The following NUP205 variants were observed in gnomAD, a reference collection of about 807,000 sequenced individuals.
NUP205 encodes the protein nuclear pore complex protein Nup205.
NUP205 carries 76 observed loss-of-function variants against 253.8 expected under a neutral mutation model. The observed-to-expected ratio is 0.30, with a 90% confidence interval of 0.25 to 0.36. The LOEUF (loss-of-function observed/expected upper bound fraction) is 0.36. Ranked by LOEUF, NUP205 falls within the 10% of genes least tolerant of loss-of-function variation. The pLI, the probability that NUP205 is intolerant of heterozygous loss-of-function variation, is 1.00. For synonymous variants in NUP205, 832 were observed against 850.1 expected (o/e 0.98, Z 0.37); for missense variants, 2,162 against 2,425.5 (o/e 0.89, Z 2.28).
At chr7:135,618,698 G>T in intron 28 of NUP205, 95 bp downstream of exon 28, 2 of 1,097,836 alleles carry the variant, frequency 1.8e-6, no homozygotes, top group Non-Finnish European at 2.6e-6. Context: ...TTTTCGATTG[G>T]GAGTAAAATA....
chr7:135,570,870 AAT>A (rs1491378026), intron 1 of NUP205, among the ~76,000 whole-genome samples: 1 of 97,490 alleles, frequency 1.0e-5, no homozygotes, highest in Admixed American at 1.4e-4. Flanking sequence ...ATAAATATAA[AAT>A]ATATGTAATA....
Position 135,619,794 on chromosome 7 carries a change from T to A in NUP205, c.4236T>A (p.Gly1412=). The A allele has an allele frequency of 6.2e-7, 1 of 1,610,778 alleles. No homozygotes were observed. Among genetic ancestry groups the A allele is most frequent in the Non-Finnish European group, 8.5e-7 (1 of 1,178,474 alleles). Residue 1412 remains glycine (G), a synonymous_variant, in exon 30 of 43, where the codon GGT becomes GGA. Transcript: ENST00000285968. The stretch of plus-strand genomic sequence containing the variant: ...ACATCTTCCTAATCTCCCTAGGTGG[T>A]GGATTCCAACGAGTGAGGACTCACT... ...KLLDFILKTG[G]GFQRVRTHLY...
At position 135,558,343 on chromosome 7, in the gene NUP205, A is replaced by C. The variant is rs142972400; in HGVS notation, c.28+371A>C. 2.3e-4 allele frequency: 63 copies of C among 276,044 alleles called. No individual in the cohort carries two copies. The East Asian group carries it at 4.3e-3, about 19-fold the overall frequency. 17.1% of individuals were successfully genotyped at this position (276,044 alleles called of 1,614,324 possible). On this transcript the variant is annotated intron_variant, in intron 1 of 42. Coordinates refer to ENST00000285968, the MANE Select transcript of NUP205 (RefSeq NM_015135.3). ...CCACAGTGAAGCCAGAGGACCCGAG[A>C]TATTTTCCAGCCATGAGCAGAGGCT...
intron 35 of NUP205, among the ~76,000 whole-genome samples, chr7:135,634,373 A>G (rs1189883369): frequency 6.6e-6 from 1 of 152,240 alleles, no homozygotes; most frequent in African/African-American, 2.4e-5. Context: ...TGCAGGGGAA[A>G]GTGAACTTTG....
At chr7:135,569,967 T>A (rs949931992) in intron 1 of NUP205, among the ~76,000 whole-genome samples, 1 of 150,786 alleles carries the variant, frequency 6.6e-6, no homozygotes, top group African/African-American at 2.4e-5. Flanking sequence ...GGACTGTGTG[T>A]TTTCCTTAGT....
chr7:135,616,856 T>A (rs1329093661), intron 25 of NUP205, 130 bp downstream of exon 25: 7 of 652,290 alleles, frequency 1.1e-5, no homozygotes, highest in Non-Finnish European at 1.4e-5. Flanking sequence ...AAAGGATTAA[T>A]TGCCACCTGA....
rs899222208 is a variant in NUP205 at position 135,632,515 on chromosome 7, C to T, written c.5059+2045C>T. On this transcript the variant is annotated intron_variant, in intron 35 of 42. Coordinates refer to ENST00000285968, the MANE Select transcript of NUP205 (RefSeq NM_015135.3). Reference sequence around the variant, plus strand: ...CAACCTCTGAATCCACCCTATAATCCCCAATAATTTTTTTTGTCTGGGCTG... The same window carrying T: ...CAACCTCTGAATCCACCCTATAATCTCCAATAATTTTTTTTGTCTGGGCTG... Among the ~76,000 whole-genome samples the T allele has an allele frequency of 2.4e-4, 36 of 151,796 alleles. 1 individual carries two copies. The highest frequency in any genetic ancestry group is 2.0e-3 in the Admixed American group (30 of 15,224).
chr7:135,574,407 T>C (rs927680849), intron 3 of NUP205, among the ~76,000 whole-genome samples: 1 of 152,108 alleles, frequency 6.6e-6, no homozygotes, highest in South Asian at 2.1e-4. Flanking sequence ...AGTGCAACTC[T>C]AAGTAGGATC....
chr7:135,600,633 G>A (rs1014475440), intron 15 of NUP205, among the ~76,000 whole-genome samples: 3 of 152,108 alleles, frequency 2.0e-5, no homozygotes, highest in South Asian at 2.1e-4. Context: ...CTATAAAAAT[G>A]TATCTTTAAG....
intron 31 of NUP205, among the ~76,000 whole-genome samples, chr7:135,623,400 T>C (rs1444770936): frequency 1.3e-5 from 2 of 152,266 alleles, no homozygotes; most frequent in Non-Finnish European, 2.9e-5. Context: ...TTCTGTTTTA[T>C]TTATTCATAT....
At chr7:135,611,768 G>C (rs1213445820) in intron 22 of NUP205, among the ~76,000 whole-genome samples, 1 of 152,046 alleles carries the variant, frequency 6.6e-6, no homozygotes, top group Non-Finnish European at 1.5e-5. Context: ...GAACCTGGGA[G>C]GTGGCAGTTG....
chr7:135,635,863 G>A (rs1405697880), intron 36 of NUP205, among the ~76,000 whole-genome samples: 1 of 152,080 alleles, frequency 6.6e-6, no homozygotes, highest in African/African-American at 2.4e-5. Flanking sequence ...GGGATGGGGA[G>A]GAGATGAGAA....
At chr7:135,614,400 T>A (rs1358898297) in intron 23 of NUP205, 127 bp downstream of exon 23, 3 of 588,456 alleles carry the variant, frequency 5.1e-6, no homozygotes, top group Middle Eastern at 3.2e-4. Flanking sequence ...TTATTTTGGG[T>A]TCTTTTTGTA....
In NUP205 at chr7:135,578,035, T is replaced by C. The variant is rs1210737870; in HGVS notation, c.877+11T>C. On this transcript the variant is annotated intron_variant, in intron 6 of 42. Transcript: ENST00000285968. Reference sequence around the variant, plus strand: ...CAGAGGAACGAGATGGTATTGAGTTTTATACATTTTCCTACATTAAAAAAA... The same window carrying C: ...CAGAGGAACGAGATGGTATTGAGTTCTATACATTTTCCTACATTAAAAAAA... 1 of 1,570,296 alleles carries C rather than the reference T, an allele frequency of 6.4e-7. No individual in the cohort carries two copies. Among genetic ancestry groups the C allele is most frequent in the Non-Finnish European group, 8.8e-7 (1 of 1,141,456 alleles).
rs906569754 is a variant in NUP205 at position 135,579,884 on chromosome 7, G to A, written c.1042+969G>A. ...TGGTCTCGAACTCCTGAGCTCAGGT[G>A]ATCCACTTGCTTTGGCCTCCCAGAG... On this transcript the variant is annotated intron_variant, in intron 7 of 42. Coordinates refer to ENST00000285968, the MANE Select transcript of NUP205 (RefSeq NM_015135.3). Among the ~76,000 whole-genome samples, 3 of 152,234 alleles carry A rather than the reference G, an allele frequency of 2.0e-5. No individual in the cohort carries two copies. In the South Asian group the frequency reaches 6.2e-4, roughly 32 times the overall value.
At chr7:135,643,808 A>G (rs1243125850) in intron 39 of NUP205, among the ~76,000 whole-genome samples, 1 of 152,180 alleles carries the variant, frequency 6.6e-6, no homozygotes. Flanking sequence ...TACTTACAGT[A>G]TTAATAACTA....
At chr7:135,572,317 CTAGT>C (rs1323638237) in intron 2 of NUP205, among the ~76,000 whole-genome samples, 9 of 152,042 alleles carry the variant, frequency 5.9e-5, no homozygotes, top group African/African-American at 2.2e-4. Flanking sequence ...TTTCTGACCT[CTAGT>C]TAGTAATACA....
intron 26 of NUP205, 42 bp from the exon 27 acceptor site, chr7:135,617,560 G>A: frequency 1.4e-6 from 2 of 1,456,546 alleles, no homozygotes; most frequent in Non-Finnish European, 1.9e-6. Flanking sequence ...TTCTACCAGT[G>A]TCTGAAATGT....
intron 34 of NUP205, among the ~76,000 whole-genome samples, chr7:135,629,479 CT>C (rs1794660734): frequency 5.3e-5 from 6 of 112,626 alleles, no homozygotes; most frequent in African/African-American, 2.4e-4. Context: ...ATCTCTCTCT[CT>C]CTCTCTCTCT....
Sources: allele counts gnomAD v4.1 joint callset (sites outside exome capture counted in the v4.1 genomes callset), GRCh38; gene constraint gnomAD v4.1.1; transcripts MANE v1.5; gene names NCBI Gene and HGNC (gene_info 2026-07-23, HGNC 2026-07-21).